ARHGAP27: variants seen among roughly 807,000 people sequenced by gnomAD.
The protein encoded by ARHGAP27 is rho GTPase-activating protein 27.
A neutral mutation model predicts 102.0 loss-of-function variants in ARHGAP27; 53 were observed. The ratio of observed to expected loss-of-function variants is 0.52; its 90% confidence interval spans 0.42 to 0.65. The LOEUF (loss-of-function observed/expected upper bound fraction) is 0.65, where lower values mean the gene tolerates loss of function less well. ARHGAP27 is among the 30% of genes least tolerant of loss of function. The pLI is 0.00. For synonymous variants in ARHGAP27, 525 were observed against 542.8 expected, an observed-to-expected ratio of 0.97 and a Z score of 0.46; for missense variants, 1,117 against 1,256.2, an observed-to-expected ratio of 0.89 and a Z score of 1.68.
In ARHGAP27 at chr17:45,395,569, T is replaced by C; in HGVS notation, c.2557A>G (p.Thr853Ala). ...TCTTCCACCTCGGGCCGCAGCAGCG[T>C]GGGCCCGAACACAATGGCCACGCTC... is the stretch of plus-strand genomic sequence containing the variant. Reference protein sequence around the residue: ...VQSVAIVFGPTLLRPEVEETS... With the variant: ...VQSVAIVFGPALLRPEVEETS... The change falls in exon 20 of 20, where the codon ACG (threonine) becomes GCG (alanine). Residue 853 changes from threonine to alanine, a missense_variant. Thr to Ala is a moderately conservative substitution (Grantham distance 58). Around this residue, in one of 3 missense-constraint regions of ARHGAP27, gnomAD observed 493 missense variants for 505.5 expected, o/e 0.98. Coordinates refer to ENST00000685559, the MANE Select transcript of ARHGAP27 (RefSeq NM_001282290.2). 1 of 1,605,580 alleles carries C rather than the reference T, an allele frequency of 6.2e-7. No individual in the cohort carries two copies. Among genetic ancestry groups the C allele is most frequent in the Non-Finnish European group, 8.5e-7 (1 of 1,176,352 alleles).
At chr17:45,415,718 C>G (rs1337436370) in intron 4 of ARHGAP27, among the ~76,000 whole-genome samples, 2 of 152,106 alleles carry the variant, frequency 1.3e-5, no homozygotes, top group Non-Finnish European at 2.9e-5. Context: ...CAGGTAACAC[C>G]AAGGTTAGAG....
At chr17:45,428,377 C>G (rs559613834) in intron 4 of ARHGAP27, among the ~76,000 whole-genome samples, 1 of 152,386 alleles carries the variant, frequency 6.6e-6, no homozygotes, top group South Asian at 2.1e-4. Flanking sequence ...GGCTCACAAC[C>G]CTAATCCTTA....
chr17:45,398,093 G>T (rs763969649), intron 12 of ARHGAP27, 46 bp from the exon 13 acceptor site: 2 of 1,520,392 alleles, frequency 1.3e-6, no homozygotes, highest in East Asian at 2.3e-5. Context: ...CCCTGGGTCT[G>T]CCCTGGGGGT....
Position 45,406,036 on chromosome 17 carries a change from G to A in ARHGAP27, c.705C>T (p.Pro235=). 6.5e-7 allele frequency: 1 copy of A among 1,534,008 alleles called. No homozygotes were observed. Among genetic ancestry groups the A allele is most frequent in the Non-Finnish European group, 8.7e-7 (1 of 1,145,552 alleles). The stretch of plus-strand genomic sequence containing the variant: ...CAGCGGCGCCCGGTGAAGTGGCCCG[G>A]GGCTGCCTCTCTATGTTCGCGTACA... ...EPVYANIERQ[P]RATSPGAAAA... The change falls in exon 5 of 20, where the codon CCC becomes CCT. Residue 235 remains proline (P), a synonymous_variant. Coordinates refer to ENST00000685559, the MANE Select transcript of ARHGAP27 (RefSeq NM_001282290.2).
chr17:45,404,718 C>T, intron 6 of ARHGAP27, 37 bp from the exon 7 acceptor site: 2 of 1,589,860 alleles, frequency 1.3e-6, no homozygotes, highest in Non-Finnish European at 1.7e-6. Context: ...TCCAGCCCAG[C>T]TTATGAGAGG....
intron 4 of ARHGAP27, chr17:45,408,293 C>CA (rs1415131432): frequency 6.6e-6 from 1 of 152,242 alleles, no homozygotes; most frequent in Non-Finnish European, 1.5e-5. Context: ...GAAAGGGACA[C>CA]AAATCCTTCC....
chr17:45,400,502 A>G (rs569906462), intron 12 of ARHGAP27, among the ~76,000 whole-genome samples: 1 of 152,306 alleles, frequency 6.6e-6, no homozygotes, highest in African/African-American at 2.4e-5. Flanking sequence ...CAGCAAAGAC[A>G]ACTCAAAAAG....
intron 12 of ARHGAP27, among the ~76,000 whole-genome samples, chr17:45,398,406 A>C (rs1475134805): frequency 6.6e-6 from 1 of 152,146 alleles, no homozygotes; most frequent in African/African-American, 2.4e-5. Context: ...GGCAGGCCTC[A>C]TGCAGAGCAC....
intron 4 of ARHGAP27, among the ~76,000 whole-genome samples, chr17:45,415,832 T>A (rs73305445): frequency 0.037 from 5,639 of 152,116 alleles, 357 homozygotes; most frequent in African/African-American, 0.13. Context: ...CAAGGGAGAT[T>A]GAAGAGACAG....
chr17:45,421,152 C>T (rs2048999664), intron 4 of ARHGAP27, among the ~76,000 whole-genome samples: 1 of 131,476 alleles, frequency 7.6e-6, no homozygotes, highest in Admixed American at 8.8e-5. Flanking sequence ...GGAGCGCTCA[C>T]ATGCAAAGGA....
chr17:45,426,481 C>T (rs779616384), intron 4 of ARHGAP27, among the ~76,000 whole-genome samples: 1 of 152,108 alleles, frequency 6.6e-6, no homozygotes, highest in Non-Finnish European at 1.5e-5. Flanking sequence ...ATGGCAGGAG[C>T]TCCTCTGTTC....
rs2045567410 is a variant in ARHGAP27, at chr17:45,395,856, G to T, written c.2387-7C>A. 1 of 1,598,830 alleles carries T rather than the reference G, an allele frequency of 6.3e-7. No individual in the cohort carries two copies. Among genetic ancestry groups the T allele is most frequent in the South Asian group, 1.1e-5 (1 of 89,204 alleles). ...CGGGCCTGGTCCTGCAACTCTGGGT[G>T]AGGGAAGGTTTAGAGGGAGGGAGTC... On this transcript the variant is annotated splice_region_variant and splice_polypyrimidine_tract_variant and intron_variant, in intron 18 of 19. Coordinates refer to ENST00000685559, the MANE Select transcript of ARHGAP27 (RefSeq NM_001282290.2).
intron 10 of ARHGAP27, 122 bp from the exon 11 acceptor site, chr17:45,403,831 G>T: frequency 9.9e-7 from 1 of 1,012,586 alleles, no homozygotes; most frequent in Non-Finnish European, 1.5e-6. Flanking sequence ...CATTATGAGG[G>T]CTGGAATCCC....
chr17:45,398,769 C>T (rs1200219010), intron 12 of ARHGAP27, among the ~76,000 whole-genome samples: 1 of 151,860 alleles, frequency 6.6e-6, no homozygotes, highest in Non-Finnish European at 1.5e-5. Context: ...CAGAAACTTC[C>T]TATGTTGAGA....
At chr17:45,403,859 G>T in intron 10 of ARHGAP27, 150 bp from the exon 11 acceptor site, 1 of 980,652 alleles carries the variant, frequency 1.0e-6, no homozygotes, top group Non-Finnish European at 1.5e-6. Flanking sequence ...ACACCTAGCA[G>T]CCGAGGGACC....
At chr17:45,431,910 G>T (rs1331157142) in intron 2 of ARHGAP27, among the ~76,000 whole-genome samples, 158 bp from the exon 3 acceptor site, 1 of 152,196 alleles carries the variant, frequency 6.6e-6, no homozygotes, top group Non-Finnish European at 1.5e-5. Flanking sequence ...CCGGCACCTG[G>T]AGCCGGGACT....
intron 11 of ARHGAP27, 115 bp downstream of exon 11, chr17:45,403,504 T>G: frequency 1.1e-6 from 1 of 871,140 alleles, no homozygotes; most frequent in East Asian, 2.7e-5. Context: ...TGAGCCGAGA[T>G]TACACCACTA....
At chr17:45,396,360 C>T in intron 16 of ARHGAP27, 76 bp from the exon 17 acceptor site, 3 of 1,486,442 alleles carry the variant, frequency 2.0e-6, no homozygotes, top group Non-Finnish European at 2.7e-6. Context: ...GCTATGACTC[C>T]CACTCGGGGC....
intron 4 of ARHGAP27, among the ~76,000 whole-genome samples, chr17:45,419,831 G>GA (rs1002917906): frequency 1.3e-5 from 2 of 149,610 alleles, no homozygotes; most frequent in African/African-American, 4.9e-5. Context: ...ACCATTCACA[G>GA]AAAAAAAAGG....
Sources: gnomAD v4.1 joint callset for allele counts (sites outside exome capture counted in the v4.1 genomes callset) on GRCh38, gnomAD v4.1.1 for gene constraint, gnomAD v4.1.1 regional missense constraint, MANE v1.5 for transcripts, NCBI Gene and HGNC (gene_info 2026-07-23, HGNC 2026-07-21) for gene names.